Variants in TRPM4 observed in about 807,000 individuals in gnomAD.
The protein encoded by TRPM4 is calcium-activated non-selective cation channel 1.
In TRPM4, 124 loss-of-function variants were observed where a neutral mutation model predicts 135.6. The observed-to-expected ratio is 0.91, with a 90% CI of 0.79 to 1.06. The LOEUF (loss-of-function observed/expected upper bound fraction) is 1.06. Among genes scored for constraint, TRPM4 ranks in the 50% least tolerant of loss-of-function variants. TRPM4 has a pLI of 0.00. For missense variants in TRPM4, 1,658 were observed against 1,671.4 expected (o/e 0.99, Z 0.14); for synonymous variants, 745 against 705.6 (o/e 1.06, Z -0.88).
chr19:49,166,870 C>CTCTCTCTGGGTCTCTGTCCCA (rs1967208598), intron 3 of TRPM4, among the ~76,000 whole-genome samples: 15 of 147,074 alleles, frequency 1.0e-4, no homozygotes, highest in South Asian at 2.2e-4. Context: ...CTGTTTCCCC[C>CTCTCTCTGGGTCTCTGTCCCA]TCTCTCTGGG....
rs777131422 is a variant in TRPM4, at chr19:49,166,067, C to T, written c.119C>T (p.Pro40Leu). 3 of 1,599,836 alleles carry T rather than the reference C, an allele frequency of 1.9e-6. No individual in the cohort carries two copies. The highest frequency in any genetic ancestry group is 1.3e-5 in the African/African-American group (1 of 74,772). Reference protein sequence around the residue: ...PGGTLCQCGRPRTAHPAVAME... With the variant: ...PGGTLCQCGRLRTAHPAVAME... Reference sequence around the variant, plus strand: ...GGGACCTTGTGCCAGTGTGGGCGCCCCCGGACCGCCCACCCCGCAGTGGCC... The same window carrying T: ...GGGACCTTGTGCCAGTGTGGGCGCCTCCGGACCGCCCACCCCGCAGTGGCC... The change falls in exon 3 of 25, where the codon CCC becomes CTC. Residue 40 changes from proline (P) to leucine (L), a missense_variant. Physicochemically the swap from Pro to Leu is moderately conservative, Grantham distance 98. Coordinates refer to ENST00000252826, the MANE Select transcript of TRPM4 (RefSeq NM_017636.4).
At chr19:49,195,735 G>A (rs936550294) in intron 16 of TRPM4, among the ~76,000 whole-genome samples, 8 of 149,394 alleles carry the variant, frequency 5.4e-5, no homozygotes, top group African/African-American at 2.0e-4. Context: ...CCAAGCTGGA[G>A]TGCAGTGGCA....
intron 15 of TRPM4, 73 bp downstream of exon 15, chr19:49,190,393 C>A: frequency 1.5e-6 from 2 of 1,326,120 alleles, no homozygotes; most frequent in Non-Finnish European, 2.2e-6. Flanking sequence ...CCCCTCTGCC[C>A]ACCTTTCTTC....
In TRPM4 at chr19:49,196,496, CG is replaced by C; in HGVS notation, c.2270del (p.Gly757ValfsTer24). 1 of 1,555,106 alleles carries C rather than the reference CG, an allele frequency of 6.4e-7. No homozygotes were observed. Among genetic ancestry groups the C allele is most frequent in the Admixed American group, 1.9e-5 (1 of 52,260 alleles). ...GGGGTCCCGCGCCAGTCGGGCCGTC[CG>C]GGTTGCTGCGGGGGCCGCTGCGGGG... ...PLGVPRQSGR[P>X]GCCGGRCGGR... is the part of the protein sequence containing the mutation. On this transcript the variant is annotated frameshift_variant, in exon 17 of 25. Coordinates refer to ENST00000252826, the MANE Select transcript of TRPM4 (RefSeq NM_017636.4). LOFTEE classifies it high-confidence loss of function.
chr19:49,169,409 T>C (rs866194340), intron 6 of TRPM4, among the ~76,000 whole-genome samples: 819 of 76,564 alleles, frequency 0.011, 3 homozygotes, highest in South Asian at 0.02. Flanking sequence ...CTCAGACTCC[T>C]GAGTAGCTGG....
At position 49,196,743 on chromosome 19, in the gene TRPM4, C is replaced by CA; in HGVS notation, c.2515dup (p.Ser839LysfsTer120). On this transcript the variant is annotated frameshift_variant, in exon 17 of 25. Coordinates refer to ENST00000252826, the MANE Select transcript of TRPM4 (RefSeq NM_017636.4). LOFTEE classifies it high-confidence loss of function. ...GCCAGGGCCTGAGCGGAGGCGGGGG[C>CA]AGCCTCGCCAGCGGGGGCCCCGGGC... 1 of 1,548,126 alleles carries CA rather than the reference C, an allele frequency of 6.5e-7. No individual in the cohort carries two copies. Among genetic ancestry groups the CA allele is most frequent in the Non-Finnish European group, 8.7e-7 (1 of 1,153,210 alleles).
chr19:49,185,706 G>A (rs1968172666), intron 12 of TRPM4, among the ~76,000 whole-genome samples: 1 of 152,014 alleles, frequency 6.6e-6, no homozygotes, highest in African/African-American at 2.4e-5. Context: ...GCTGCTCATT[G>A]TGGGTCATTG....
At chr19:49,166,711 C>T (rs1050654362) in intron 3 of TRPM4, among the ~76,000 whole-genome samples, 4 of 140,390 alleles carry the variant, frequency 2.8e-5, no homozygotes, top group Admixed American at 7.2e-5. Context: ...TCTGTGTTTC[C>T]GCTTTTCTCT....
chr19:49,195,124 G>A (rs762815071), intron 16 of TRPM4, among the ~76,000 whole-genome samples: 3 of 151,406 alleles, frequency 2.0e-5, no homozygotes, highest in Non-Finnish European at 4.4e-5. Flanking sequence ...ATATCATACC[G>A]TTCACTTACT....
intron 12 of TRPM4, among the ~76,000 whole-genome samples, chr19:49,185,291 C>T (rs1220454105): frequency 6.6e-6 from 1 of 152,104 alleles, no homozygotes; most frequent in Admixed American, 6.5e-5. Flanking sequence ...TTCTGTCACT[C>T]AGACTGGACT....
At chr19:49,197,316 CTT>C (rs1157510313) in intron 17 of TRPM4, among the ~76,000 whole-genome samples, 19 of 73,814 alleles carry the variant, frequency 2.6e-4, no homozygotes, top group African/African-American at 1.2e-3. Flanking sequence ...CTTTTTCTTT[CTT>C]TCTTTCTTTC....
chr19:49,182,566 C>G lies in TRPM4; in HGVS notation c.1264-12C>G. On this transcript the variant is annotated splice_polypyrimidine_tract_variant and intron_variant, in intron 10 of 24. Coordinates refer to ENST00000252826, the MANE Select transcript of TRPM4 (RefSeq NM_017636.4). Reference sequence around the variant, plus strand: ...GAGCTAATCTCTTCCCCTATTCATCCCACCCTGCCAGTCCTTCCATCTCGA... The same window carrying G: ...GAGCTAATCTCTTCCCCTATTCATCGCACCCTGCCAGTCCTTCCATCTCGA... 6.2e-7 allele frequency: 1 copy of G among 1,610,352 alleles called. No individual in the cohort carries two copies. The highest frequency in any genetic ancestry group is 8.5e-7 in the Non-Finnish European group (1 of 1,179,004).
chr19:49,163,299 G>A (rs553840896), intron 2 of TRPM4, among the ~76,000 whole-genome samples: 19 of 149,442 alleles, frequency 1.3e-4, no homozygotes, highest in South Asian at 4.3e-4. Context: ...AGGTTCAAGT[G>A]ATTCTCCTGC....
Position 49,157,838 on chromosome 19 carries a change from C to A in TRPM4, c.-29C>A. The A allele has an allele frequency of 7.8e-6, 12 of 1,534,478 alleles. No homozygotes were observed. The highest frequency in any genetic ancestry group is 1.0e-5 in the Non-Finnish European group (12 of 1,146,174). ...GCGGAGGGAGCGCCGGGGCCCTGGG[C>A]TGCAGGAGGTTGCGGCGGCCGCGGC... is the stretch of plus-strand genomic sequence containing the variant. On this transcript the variant is annotated 5_prime_UTR_variant, in exon 1 of 25. The change creates a new upstream start codon in the 5' untranslated region. Transcript: ENST00000252826.
At chr19:49,179,293 G>A (rs1286704774) in intron 9 of TRPM4, among the ~76,000 whole-genome samples, 1 of 151,976 alleles carries the variant, frequency 6.6e-6, no homozygotes, top group Admixed American at 6.6e-5. Context: ...GACCTCAGGT[G>A]ATTCGCCCAC....
intron 19 of TRPM4, 56 bp from the exon 20 acceptor site, chr19:49,201,908 T>G: frequency 6.3e-7 from 1 of 1,597,078 alleles, no homozygotes. Context: ...GCAGTCTTCC[T>G]GTCTTTCTTA....
In TRPM4 at chr19:49,210,856, C is replaced by G. The variant is rs994840080; in HGVS notation, c.3461+14C>G. 2 of 1,604,046 alleles carry G rather than the reference C, an allele frequency of 1.2e-6. No homozygotes were observed. The highest frequency in any genetic ancestry group is 1.7e-6 in the Non-Finnish European group (2 of 1,176,022). Reference sequence around the variant, plus strand: ...CACGTCCCAGAAGTGAGAGCGGGGCCTGGTCGGGGATGGGGCTTCTGGCCT... The same window carrying G: ...CACGTCCCAGAAGTGAGAGCGGGGCGTGGTCGGGGATGGGGCTTCTGGCCT... On this transcript the variant is annotated intron_variant, in intron 22 of 24. Coordinates refer to ENST00000252826, the MANE Select transcript of TRPM4 (RefSeq NM_017636.4). This position sits in a 1 kb window ranked among gnomAD's most constrained non-coding sequence, Gnocchi z 4.1.
chr19:49,203,538 T>G (rs188972098), intron 20 of TRPM4, among the ~76,000 whole-genome samples: 284 of 152,260 alleles, frequency 1.9e-3, no homozygotes, highest in Middle Eastern at 6.8e-3. Context: ...TACAGTACTC[T>G]CCAACCATCA....
intron 20 of TRPM4, among the ~76,000 whole-genome samples, chr19:49,208,823 G>A (rs1969245292): frequency 6.6e-6 from 1 of 152,038 alleles, no homozygotes; most frequent in African/African-American, 2.4e-5. Context: ...GCTGAGCGTG[G>A]TGGTGGGTGC....
Sources: allele counts gnomAD v4.1 joint callset (sites outside exome capture counted in the v4.1 genomes callset), GRCh38; gene constraint gnomAD v4.1.1; non-coding constraint Gnocchi (gnomAD v3.1); transcripts MANE v1.5; gene names NCBI Gene and HGNC (gene_info 2026-07-23, HGNC 2026-07-21).